Variants in NTM observed in about 807,000 individuals in gnomAD.
NTM encodes neurotrimin.
NTM carries 13 observed loss-of-function variants against 42.1 expected under a neutral mutation model. The ratio of observed to expected loss-of-function variants is 0.31; its 90% CI spans 0.20 to 0.49. The LOEUF (loss-of-function observed/expected upper bound fraction) is 0.49. Among genes scored for constraint, NTM ranks in the 20% least tolerant of loss-of-function variants. The probability of loss-of-function intolerance (pLI) is 0.99; values close to 1 mark genes in which losing one functional copy is unlikely to be tolerated. For missense variants in NTM, 373 were observed against 452.8 expected, an observed-to-expected ratio of 0.82 and a Z score of 1.60; for synonymous variants, 187 against 179.2, an observed-to-expected ratio of 1.04 and a Z score of -0.35.
intron 1 of NTM, among the ~76,000 whole-genome samples, chr11:131,551,817 G>A (rs1274826432): frequency 6.6e-6 from 1 of 152,128 alleles, no homozygotes; most frequent in Non-Finnish European, 1.5e-5. Context: ...TAACTTAGAA[G>A]GCAGCCACAT....
intron 2 of NTM, among the ~76,000 whole-genome samples, chr11:132,134,721 A>ATC (rs2067481108): frequency 7.5e-5 from 4 of 53,348 alleles, no homozygotes; most frequent in Middle Eastern, 9.3e-3. Context: ...ATATATATAT[A>ATC]TATATATATA....
At chr11:131,733,593 T>A (rs567769539) in intron 1 of NTM, among the ~76,000 whole-genome samples, 1 of 151,962 alleles carries the variant, frequency 6.6e-6, no homozygotes, top group African/African-American at 2.4e-5. Flanking sequence ...AGTGGTGCGA[T>A]CTCAGCTCAC....
intron 4 of NTM, among the ~76,000 whole-genome samples, chr11:132,223,464 G>C (rs1418214703): frequency 6.6e-6 from 1 of 152,118 alleles, no homozygotes; most frequent in Non-Finnish European, 1.5e-5. Flanking sequence ...TCCTGGCAGG[G>C]TTCACAGTGA....
rs530416314 is a variant in NTM at position 131,676,316 on chromosome 11, C to T, written c.83-235248C>T. Among the ~76,000 whole-genome samples the T allele has an allele frequency of 7.9e-5, 12 of 152,266 alleles. No individual in the cohort carries two copies. The South Asian group carries it at 2.5e-3, about 32-fold the overall frequency. ...ATAATTACATAAAACAAAACCAAGA[C>T]TGATGGACAGAAGTTATTTGGGAGC... is the stretch of plus-strand genomic sequence containing the variant. On this transcript the variant is annotated intron_variant, in intron 1 of 8. Coordinates refer to ENST00000683400, the MANE Select transcript of NTM (RefSeq NM_001352005.2).
chr11:131,913,546 G>A (rs1195089618), intron 2 of NTM, among the ~76,000 whole-genome samples: 1 of 152,150 alleles, frequency 6.6e-6, no homozygotes, highest in African/African-American at 2.4e-5. Context: ...GCTTCTTTTT[G>A]AAATCGCGTT....
intron 1 of NTM, among the ~76,000 whole-genome samples, chr11:131,581,604 G>A (rs1405663915): frequency 6.6e-6 from 1 of 152,124 alleles, no homozygotes; most frequent in African/African-American, 2.4e-5. Context: ...GGACTTCCTC[G>A]TTATTCTGAC....
chr11:131,504,083 C>A (rs1446812034), intron 1 of NTM, among the ~76,000 whole-genome samples: 1 of 152,162 alleles, frequency 6.6e-6, no homozygotes, highest in African/African-American at 2.4e-5. Context: ...GACTGCTCAT[C>A]CAGGGCTCCC....
At chr11:131,390,050 G>A (rs1441239333) in intron 1 of NTM, among the ~76,000 whole-genome samples, 1 of 152,172 alleles carries the variant, frequency 6.6e-6, no homozygotes, top group Non-Finnish European at 1.5e-5. Context: ...CTGAGACTGG[G>A]CAATGTACAA....
intron 1 of NTM, among the ~76,000 whole-genome samples, chr11:131,482,344 G>A (rs1953695052): frequency 6.6e-6 from 1 of 152,166 alleles, no homozygotes; most frequent in Non-Finnish European, 1.5e-5. Flanking sequence ...ACACACTCCA[G>A]CCATCTGCTG....
chr11:131,411,635 A>T (rs183681345), intron 1 of NTM, among the ~76,000 whole-genome samples: 3 of 151,234 alleles, frequency 2.0e-5, no homozygotes, highest in Middle Eastern at 3.4e-3. Flanking sequence ...ACTGCAGTCT[A>T]CAACTCTTAG....
At chr11:131,527,331 C>T (rs1591943219) in intron 1 of NTM, among the ~76,000 whole-genome samples, 1 of 152,182 alleles carries the variant, frequency 6.6e-6, no homozygotes, top group Non-Finnish European at 1.5e-5. Flanking sequence ...CTGGACCCTT[C>T]TCCCCTTACT....
chr11:132,088,255 C>G (rs1793625), intron 2 of NTM, among the ~76,000 whole-genome samples: 103,120 of 152,062 alleles, frequency 0.68, 36,270 homozygotes, highest in African/African-American at 0.84. Context: ...GGGTGGGGGA[C>G]GTGGGGCAGC....
chr11:132,167,708 G>C (rs1028330442), intron 3 of NTM, among the ~76,000 whole-genome samples: 1 of 152,200 alleles, frequency 6.6e-6, no homozygotes, highest in Non-Finnish European at 1.5e-5. Context: ...ATTATACATA[G>C]TAGTCATTCA....
Position 131,677,969 on chromosome 11 carries a change from G to A in NTM, c.83-233595G>A, listed in dbSNP as rs115413585. Among the ~76,000 whole-genome samples, 1,030 of 152,318 alleles carry A rather than the reference G, an allele frequency of 6.8e-3. 12 individuals carry two copies. Among genetic ancestry groups the A allele is most frequent in the African/African-American group, 0.022 (928 of 41,576 alleles). On this transcript the variant is annotated intron_variant, in intron 1 of 8. Coordinates refer to ENST00000683400, the MANE Select transcript of NTM (RefSeq NM_001352005.2). ...ATCAGCTCTCCTGAAGCAGGACCTT[G>A]TCTCTTCACTGATATGCAGATGTAT...
chr11:131,863,124 G>A (rs1257364439), intron 1 of NTM, among the ~76,000 whole-genome samples: 1 of 152,210 alleles, frequency 6.6e-6, no homozygotes, highest in African/African-American at 2.4e-5. Context: ...TGGTGTTTTG[G>A]AAGGTGGAAC....
chr11:131,646,156 G>A (rs1415701562), intron 1 of NTM, among the ~76,000 whole-genome samples: 1 of 152,140 alleles, frequency 6.6e-6, no homozygotes, highest in Non-Finnish European at 1.5e-5. Flanking sequence ...CCATGGGCCC[G>A]ATCTAACCCA....
chr11:131,579,476 G>T (rs1456074654), intron 1 of NTM, among the ~76,000 whole-genome samples: 1 of 152,104 alleles, frequency 6.6e-6, no homozygotes, highest in Non-Finnish European at 1.5e-5. Flanking sequence ...TTTTTAAAAG[G>T]TTTGAGAGGC....
Position 132,049,940 on chromosome 11 carries a change from A to G in NTM, c.168-96342A>G, listed in dbSNP as rs1194433862. ...GGGCCCTTCCAACAGTTTTTGATACACAAAGATCTGCAGCCTCCTGAGCAG... is the reference window on the plus strand; with the variant it reads ...GGGCCCTTCCAACAGTTTTTGATACGCAAAGATCTGCAGCCTCCTGAGCAG... On this transcript the variant is annotated intron_variant, in intron 2 of 8. Coordinates refer to ENST00000683400, the MANE Select transcript of NTM (RefSeq NM_001352005.2). Among the ~76,000 whole-genome samples the G allele has an allele frequency of 2.0e-5, 3 of 152,224 alleles. No individual in the cohort carries two copies. In the East Asian group the frequency reaches 5.8e-4, roughly 30 times the overall value.
chr11:132,217,030 C>G (rs536096920), intron 4 of NTM, among the ~76,000 whole-genome samples: 1 of 152,294 alleles, frequency 6.6e-6, no homozygotes, highest in African/African-American at 2.4e-5. Context: ...GTGACTTGGA[C>G]AGTGGGTCAT....
Sources: gnomAD v4.1 joint callset for allele counts (sites outside exome capture counted in the v4.1 genomes callset) on GRCh38, gnomAD v4.1.1 for gene constraint, MANE v1.5 for transcripts, NCBI Gene and HGNC (gene_info 2026-07-23, HGNC 2026-07-21) for gene names.